The following TMEM267 variants were observed in gnomAD, a reference collection of about 807,000 sequenced individuals.
The protein encoded by TMEM267 is transmembrane protein 267.
In TMEM267, 20 loss-of-function variants were observed where a neutral mutation model predicts 19.3. The ratio of observed to expected loss-of-function variants is 1.04; its 90% CI spans 0.73 to 1.51. TMEM267 has a LOEUF of 1.51. Among genes scored for constraint, TMEM267 ranks in the 40% most tolerant of loss-of-function variants. The pLI, the probability that TMEM267 is intolerant of heterozygous loss-of-function variation, is 0.00. For missense variants in TMEM267, 242 were observed against 261.9 expected, an observed-to-expected ratio of 0.92 and a Z score of 0.52; for synonymous variants, 88 against 90.3, an observed-to-expected ratio of 0.97 and a Z score of 0.15.
chr5:43,461,434 C>T (rs1234901680), intron 1 of TMEM267, among the ~76,000 whole-genome samples: 1 of 152,266 alleles, frequency 6.6e-6, no homozygotes, highest in Non-Finnish European at 1.5e-5. Context: ...CTTTGCCTTT[C>T]ACCTTAGGTA....
chr5:43,471,978 A>G (rs1744106239), intron 1 of TMEM267, among the ~76,000 whole-genome samples: 1 of 152,210 alleles, frequency 6.6e-6, no homozygotes, highest in Non-Finnish European at 1.5e-5. Flanking sequence ...TGCACAAAGG[A>G]TACAATCAGT....
chr5:43,467,259 A>G (rs1743796874), intron 1 of TMEM267, among the ~76,000 whole-genome samples: 2 of 152,128 alleles, frequency 1.3e-5, no homozygotes, highest in Admixed American at 1.3e-4. Flanking sequence ...TTAAATATAA[A>G]TGGACTAAAT....
intron 2 of TMEM267, among the ~76,000 whole-genome samples, chr5:43,449,862 A>G (rs1397557570): frequency 1.3e-5 from 2 of 152,182 alleles, no homozygotes; most frequent in Non-Finnish European, 2.9e-5. Flanking sequence ...TGCTCTGGAT[A>G]TGTTTACAGC....
Position 43,444,610 on chromosome 5 carries a change from T to C in TMEM267, c.*1612A>G. The C allele has an allele frequency of 6.6e-6, 1 of 152,138 alleles. No individual in the cohort carries two copies. The highest frequency in any genetic ancestry group is 2.4e-5 in the African/African-American group (1 of 41,444). The allele number at this position is 152,138 out of a possible 1,614,324, so 9.4% of individuals were successfully genotyped here. ...ATTCTTAAATAAGGCCCTATATTTTTAATAATATTTATTTGTTTAATATGA... is the reference window on the plus strand; with the variant it reads ...ATTCTTAAATAAGGCCCTATATTTTCAATAATATTTATTTGTTTAATATGA... On this transcript the variant is annotated 3_prime_UTR_variant, in exon 3 of 3. Coordinates refer to ENST00000397080, the MANE Select transcript of TMEM267 (RefSeq NM_022483.5).
At chr5:43,461,937 C>A (rs888880354) in intron 1 of TMEM267, among the ~76,000 whole-genome samples, 3 of 152,172 alleles carry the variant, frequency 2.0e-5, no homozygotes, top group Non-Finnish European at 4.4e-5. Flanking sequence ...GGGCCTACAG[C>A]AAACATAGGC....
At chr5:43,450,582 G>C (rs753275586) in intron 2 of TMEM267, among the ~76,000 whole-genome samples, 3 of 152,174 alleles carry the variant, frequency 2.0e-5, no homozygotes, top group Non-Finnish European at 4.4e-5. Flanking sequence ...GAGGCAGTGA[G>C]GCTAGTTACT....
At chr5:43,482,361 G>C (rs1468589759) in intron 1 of TMEM267, among the ~76,000 whole-genome samples, 1 of 152,136 alleles carries the variant, frequency 6.6e-6, no homozygotes, top group Non-Finnish European at 1.5e-5. Context: ...TGTTCTTCCT[G>C]TATTACTTAT....
chr5:43,451,019 A>T (rs1231325736), intron 2 of TMEM267, among the ~76,000 whole-genome samples: 1 of 151,824 alleles, frequency 6.6e-6, no homozygotes, highest in Non-Finnish European at 1.5e-5. Context: ...TTGTATTTTT[A>T]GTAGAGACGG....
intron 1 of TMEM267, among the ~76,000 whole-genome samples, chr5:43,477,827 A>AT (rs1744519616): frequency 6.6e-6 from 1 of 152,236 alleles, no homozygotes; most frequent in Non-Finnish European, 1.5e-5. Flanking sequence ...AGTCTAGGTC[A>AT]TATGACCACA....
At chr5:43,484,310 A>G (rs1158410136), upstream of TMEM267, 4 of 152,232 alleles carry the variant, frequency 2.6e-5, no homozygotes, top group Non-Finnish European at 4.4e-5. Flanking sequence ...AGGTGCAGCG[A>G]TACGGCCAAC....
At chr5:43,472,858 G>A (rs992953689) in intron 1 of TMEM267, among the ~76,000 whole-genome samples, 1 of 151,464 alleles carries the variant, frequency 6.6e-6, no homozygotes, top group Non-Finnish European at 1.5e-5. Context: ...AAAAACAGAA[G>A]GCCGGGCACG....
intron 2 of TMEM267, among the ~76,000 whole-genome samples, chr5:43,450,242 T>A (rs1208278783): frequency 6.6e-6 from 1 of 152,080 alleles, no homozygotes; most frequent in Admixed American, 6.6e-5. Context: ...GATCCTCCCA[T>A]CTCAGCCTCA....
intron 1 of TMEM267, among the ~76,000 whole-genome samples, chr5:43,467,344 A>G (rs1368907626): frequency 1.3e-5 from 2 of 152,172 alleles, no homozygotes; most frequent in African/African-American, 4.8e-5. Context: ...TACAAGAAAC[A>G]CACTTTACCT....
intron 1 of TMEM267, among the ~76,000 whole-genome samples, chr5:43,460,635 G>C (rs1276904465): frequency 6.6e-6 from 1 of 152,158 alleles, no homozygotes; most frequent in East Asian, 1.9e-4. Context: ...GTGGCAGAGT[G>C]GGGCAGAGAG....
rs1007527077 is a variant in TMEM267, at chr5:43,446,300, G to A, written c.570C>T (p.His190=). 20 of 1,613,648 alleles carry A rather than the reference G, an allele frequency of 1.2e-5. No individual in the cohort carries two copies. The Admixed American group carries it at 1.7e-4, about 13-fold the overall frequency. ...TTAAATACATAACGAATGAACAGAT[G>A]TGAGGTAAAGATGATGTGATTATTA... The part of the protein sequence containing the change: ...LYVIITSSLP[H]ICSFVMYLTG... The change falls in exon 3 of 3, where the codon CAC becomes CAT. Residue 190 remains histidine (H), a synonymous_variant. Transcript: ENST00000397080.
intron 1 of TMEM267, among the ~76,000 whole-genome samples, chr5:43,471,544 A>G (rs550800324): frequency 6.6e-6 from 1 of 152,206 alleles, no homozygotes; most frequent in Non-Finnish European, 1.5e-5. Context: ...TTCAAATTAT[A>G]CTACAGAGCT....
chr5:43,477,982 T>C (rs2112210309), intron 1 of TMEM267, among the ~76,000 whole-genome samples: 1 of 152,318 alleles, frequency 6.6e-6, no homozygotes, highest in Admixed American at 6.5e-5. Context: ...ACTTATGTAA[T>C]TTTTGACTTA....
At position 43,453,875 on chromosome 5, in the gene TMEM267, A is replaced by G; in HGVS notation, c.95T>C (p.Val32Ala). The G allele has an allele frequency of 1.2e-6, 2 of 1,614,136 alleles. No individual in the cohort carries two copies. Among genetic ancestry groups the G allele is most frequent in the African/African-American group, 1.3e-5 (1 of 75,070 alleles). ...SSLGLGAFCLVADRLLQFSTI... is the reference protein window; with the variant it reads ...SSLGLGAFCLAADRLLQFSTI... ...GGAAAACTGAAGAAGTCTGTCAGCT[A>G]CGAGGCAAAATGCCCCCAGACCAAG... Residue 32 changes from valine (V) to alanine (A), a missense_variant, in exon 2 of 3, where the codon GTA becomes GCA. Physicochemically the swap from Val to Ala is moderately conservative, Grantham distance 64 (BLOSUM62 0). Transcript: ENST00000397080.
intron 2 of TMEM267, among the ~76,000 whole-genome samples, chr5:43,447,880 G>A (rs1445874732): frequency 1.3e-5 from 2 of 152,182 alleles, no homozygotes; most frequent in East Asian, 1.9e-4. Context: ...ACTAACTGCA[G>A]GGAAAGGACT....
Sources: allele counts gnomAD v4.1 joint callset (sites outside exome capture counted in the v4.1 genomes callset), GRCh38; gene constraint gnomAD v4.1.1; transcripts MANE v1.5; gene names NCBI Gene and HGNC (gene_info 2026-07-23, HGNC 2026-07-21).